The following MYT1L variants were observed in gnomAD, a reference collection of about 807,000 sequenced individuals.
The protein encoded by MYT1L is myelin transcription factor 1 like, also known as myelin transcription factor 1-like protein.
Under a neutral mutation model 126.7 loss-of-function variants are expected in MYT1L, and 12 were observed. That is an observed-to-expected ratio of 0.09 (90% CI 0.06 to 0.15). The LOEUF (loss-of-function observed/expected upper bound fraction) is 0.15, where lower values mean the gene tolerates loss of function less well. Ranked by LOEUF, MYT1L falls within the 10% of genes least tolerant of loss-of-function variation. The pLI, the probability that MYT1L is intolerant of heterozygous loss-of-function variation, is 1.00. For synonymous variants in MYT1L, 541 were observed against 604.2 expected, an observed-to-expected ratio of 0.90 and a Z score of 1.53; for missense variants, 979 against 1,585.2, an observed-to-expected ratio of 0.62 and a Z score of 6.49.
rs142141270 is a variant in MYT1L, at chr2:2,279,496, C to T, written c.-421+4908G>A. On this transcript the variant is annotated intron_variant, in intron 2 of 24. Coordinates refer to ENST00000647738, the MANE Select transcript of MYT1L (RefSeq NM_001303052.2). Reference sequence around the variant, plus strand: ...TGGAGTCCAGGAGGAAGGAAGAAAACAATGGAGTAAGAAGAGAGAAAGAGG... The same window carrying T: ...TGGAGTCCAGGAGGAAGGAAGAAAATAATGGAGTAAGAAGAGAGAAAGAGG... 3.0e-3 allele frequency among the ~76,000 whole-genome samples: 432 copies of T among 143,652 alleles called. 2 individuals are homozygous for T. The highest frequency in any genetic ancestry group is 9.7e-3 in the African/African-American group (372 of 38,418). The allele number at this position is 143,652 out of a possible 152,430, so 94.2% of individuals were successfully genotyped here.
chr2:1,930,027 C>T (rs566969381), intron 9 of MYT1L, among the ~76,000 whole-genome samples: 20 of 152,326 alleles, frequency 1.3e-4, no homozygotes, highest in African/African-American at 2.4e-4. Flanking sequence ...AGACAGATCT[C>T]GGCTTCATGT....
At chr2:1,837,381 C>T (rs2041055868) in intron 21 of MYT1L, among the ~76,000 whole-genome samples, 2 of 152,156 alleles carry the variant, frequency 1.3e-5, no homozygotes, top group Admixed American at 1.3e-4. Flanking sequence ...AACCCTTACT[C>T]ATAGGTCAAA....
intron 8 of MYT1L, among the ~76,000 whole-genome samples, chr2:1,965,694 G>C (rs2059297607): frequency 6.6e-6 from 1 of 152,208 alleles, no homozygotes; most frequent in Non-Finnish European, 1.5e-5. Flanking sequence ...GGCAGATGAA[G>C]GCCCCGCCAT....
At chr2:1,948,824 C>T (rs548406147) in intron 8 of MYT1L, among the ~76,000 whole-genome samples, 170 of 152,318 alleles carry the variant, frequency 1.1e-3, no homozygotes, top group African/African-American at 4.0e-3. Context: ...GAACATCATT[C>T]TGCAAGACTG....
chr2:2,222,991 T>C (rs1264986686), intron 2 of MYT1L, among the ~76,000 whole-genome samples: 1 of 152,230 alleles, frequency 6.6e-6, no homozygotes, highest in Non-Finnish European at 1.5e-5. Context: ...TTCTGAATGA[T>C]GCCACAAATA....
intron 14 of MYT1L, among the ~76,000 whole-genome samples, chr2:1,899,861 TAGAC>T (rs1420146200): frequency 2.6e-5 from 4 of 152,140 alleles, no homozygotes; most frequent in African/African-American, 7.2e-5. Context: ...GACAGACACA[TAGAC>T]AGACACAGAT....
intron 3 of MYT1L, among the ~76,000 whole-genome samples, chr2:2,089,120 C>T (rs958241797): frequency 1.3e-5 from 2 of 152,166 alleles, no homozygotes; most frequent in Admixed American, 6.5e-5. Context: ...TCTGGCTTTA[C>T]ACATGGAGGA....
At chr2:2,089,455 T>C (rs1386739602) in intron 3 of MYT1L, among the ~76,000 whole-genome samples, 1 of 152,202 alleles carries the variant, frequency 6.6e-6, no homozygotes, top group Non-Finnish European at 1.5e-5. Flanking sequence ...CTAATAAAGC[T>C]ACACACATGA....
At chr2:2,314,647 C>G (rs2096033215) in intron 1 of MYT1L, among the ~76,000 whole-genome samples, 1 of 152,080 alleles carries the variant, frequency 6.6e-6, no homozygotes, top group South Asian at 2.1e-4. Flanking sequence ...TTTGTTGAAC[C>G]TATCAACCCA....
intron 3 of MYT1L, among the ~76,000 whole-genome samples, chr2:2,089,888 C>T (rs140485201): frequency 1.8e-4 from 28 of 152,280 alleles, no homozygotes; most frequent in African/African-American, 6.5e-4. Flanking sequence ...GAAAATATGT[C>T]ATAACACCCT....
At chr2:1,871,146 T>C (rs954969259) in intron 18 of MYT1L, among the ~76,000 whole-genome samples, 2 of 152,244 alleles carry the variant, frequency 1.3e-5, no homozygotes, top group South Asian at 2.1e-4. Flanking sequence ...TTCCAGAGTC[T>C]GCTAACACAG....
intron 3 of MYT1L, among the ~76,000 whole-genome samples, chr2:2,143,401 G>A (rs752274361): frequency 7.2e-5 from 11 of 152,036 alleles, no homozygotes; most frequent in African/African-American, 1.4e-4. Context: ...CGAGGTGGTC[G>A]GTCACTCTAT....
chr2:2,049,573 TAGAC>T (rs1161032143), intron 4 of MYT1L, among the ~76,000 whole-genome samples: 8 of 152,186 alleles, frequency 5.3e-5, no homozygotes, highest in Admixed American at 4.6e-4. Context: ...GATAGATAAA[TAGAC>T]AGATAGACAA....
chr2:2,272,180 C>G (rs908604809), intron 2 of MYT1L, among the ~76,000 whole-genome samples: 6 of 152,118 alleles, frequency 3.9e-5, no homozygotes. Context: ...ACCCTTATTG[C>G]CCAGCTCTCT....
intron 3 of MYT1L, among the ~76,000 whole-genome samples, chr2:2,067,546 C>A (rs916182704): frequency 6.6e-6 from 1 of 152,112 alleles, no homozygotes; most frequent in East Asian, 1.9e-4. Flanking sequence ...GATAACATAA[C>A]AAGATCCTGT....
intron 1 of MYT1L, among the ~76,000 whole-genome samples, chr2:2,312,418 C>T (rs1453505034): frequency 6.6e-6 from 1 of 152,016 alleles, no homozygotes; most frequent in Non-Finnish European, 1.5e-5. Context: ...CAAGACCAGC[C>T]TGGGCAACAT....
At chr2:1,906,664 A>G (rs985853883) in intron 13 of MYT1L, among the ~76,000 whole-genome samples, 1 of 152,120 alleles carries the variant, frequency 6.6e-6, no homozygotes, top group African/African-American at 2.4e-5. Context: ...AATTTAGCCG[A>G]TTTACTTCTT....
intron 8 of MYT1L, among the ~76,000 whole-genome samples, chr2:1,955,802 T>C (rs1268525232): frequency 1.3e-5 from 2 of 152,214 alleles, no homozygotes; most frequent in Non-Finnish European, 2.9e-5. Flanking sequence ...TGATAATATC[T>C]TGGCTGGACA....
chr2:2,019,303 G>C (rs1353722250), intron 4 of MYT1L, among the ~76,000 whole-genome samples: 1 of 152,078 alleles, frequency 6.6e-6, no homozygotes, highest in Non-Finnish European at 1.5e-5. Context: ...ACACTCTCTT[G>C]CCTGCCACCA....
Sources: gnomAD v4.1 joint callset for allele counts (sites outside exome capture counted in the v4.1 genomes callset) on GRCh38, gnomAD v4.1.1 for gene constraint, MANE v1.5 for transcripts, NCBI Gene and HGNC (gene_info 2026-07-23, HGNC 2026-07-21) for gene names.